Variants in ADAMTSL1 observed in about 807,000 individuals in gnomAD.
The protein encoded by ADAMTSL1 is ADAMTS-like protein 1.
In ADAMTSL1, 126 loss-of-function variants were observed where a neutral mutation model predicts 201.8. That is an observed-to-expected ratio of 0.62 (90% CI 0.54 to 0.72). The LOEUF (loss-of-function observed/expected upper bound fraction) is 0.72. ADAMTSL1 is among the 30% of genes least tolerant of loss of function. The pLI, the probability that ADAMTSL1 is intolerant of heterozygous loss-of-function variation, is 0.00. For synonymous variants in ADAMTSL1, 1,121 were observed against 903.4 expected, an observed-to-expected ratio of 1.24 and a Z score of -4.32; for missense variants, 2,679 against 2,277.8, an observed-to-expected ratio of 1.18 and a Z score of -3.59.
At chr9:18,888,134 T>TACCA (rs1829020033) in intron 24 of ADAMTSL1, 91 bp downstream of exon 24, 1 of 1,339,588 alleles carries the variant, frequency 7.5e-7, no homozygotes, top group East Asian at 2.5e-5. Flanking sequence ...AGATTTCTGA[T>TACCA]CTCCAGTGGT....
At chr9:18,399,815 A>G (rs552322907) in intron 2 of ADAMTSL1, among the ~76,000 whole-genome samples, 1 of 152,272 alleles carries the variant, frequency 6.6e-6, no homozygotes, top group African/African-American at 2.4e-5. Context: ...AGGGTTTCCT[A>G]GAGTTGCCTT....
intron 2 of ADAMTSL1, among the ~76,000 whole-genome samples, chr9:18,372,023 T>A (rs1837065099): frequency 6.6e-6 from 1 of 152,178 alleles, no homozygotes. Flanking sequence ...ACAACAGAAA[T>A]TTTTAATTAA....
At chr9:18,441,117 C>A (rs1334108244) in intron 2 of ADAMTSL1, among the ~76,000 whole-genome samples, 1 of 151,840 alleles carries the variant, frequency 6.6e-6, no homozygotes, top group Admixed American at 6.6e-5. Flanking sequence ...TCAAAACAGT[C>A]AAACCCATAA....
intron 2 of ADAMTSL1, among the ~76,000 whole-genome samples, chr9:18,407,930 T>C (rs551844310): frequency 1.3e-5 from 2 of 152,292 alleles, no homozygotes; most frequent in South Asian, 4.1e-4. Flanking sequence ...GACTGCAATG[T>C]TATAGGGGAT....
chr9:17,959,968 GTTAGGAT>G (rs1817671232), intron 1 of ADAMTSL1, among the ~76,000 whole-genome samples: 1 of 152,112 alleles, frequency 6.6e-6, no homozygotes, highest in Non-Finnish European at 1.5e-5. Flanking sequence ...TGGTGTATTA[GTTAGGAT>G]TAATTTCAGA....
intron 13 of ADAMTSL1, among the ~76,000 whole-genome samples, chr9:18,692,872 T>G (rs1831317356): frequency 6.6e-6 from 1 of 152,212 alleles, no homozygotes; most frequent in South Asian, 2.1e-4. Context: ...AGTAGACTAT[T>G]TGCAAGGAAA....
intron 1 of ADAMTSL1, among the ~76,000 whole-genome samples, chr9:17,964,261 T>C (rs1817884535): frequency 6.6e-6 from 1 of 152,194 alleles, no homozygotes; most frequent in Admixed American, 6.5e-5. Flanking sequence ...GCTCATAAGC[T>C]ATGTCATTCC....
At chr9:18,146,773 T>G (rs55933529) in intron 1 of ADAMTSL1, among the ~76,000 whole-genome samples, 3,648 of 152,264 alleles carry the variant, frequency 0.024, 90 homozygotes, top group African/African-American at 0.069. Flanking sequence ...TTCAAGGGTT[T>G]AGGAGATTTT....
chr9:18,477,461 A>G (rs1162069952), intron 1 of ADAMTSL1, among the ~76,000 whole-genome samples: 1 of 152,136 alleles, frequency 6.6e-6, no homozygotes, highest in Admixed American at 6.5e-5. Context: ...ACTCTCTCCC[A>G]CTATTATCTA....
At chr9:18,900,144 G>C (rs1243578498) in intron 26 of ADAMTSL1, among the ~76,000 whole-genome samples, 1 of 152,126 alleles carries the variant, frequency 6.6e-6, no homozygotes, top group African/African-American at 2.4e-5. Flanking sequence ...GTTCTCAAAA[G>C]AAGACATTCA....
intron 3 of ADAMTSL1, among the ~76,000 whole-genome samples, chr9:18,566,468 G>C (rs1381020654): frequency 6.6e-6 from 1 of 152,198 alleles, no homozygotes; most frequent in East Asian, 1.9e-4. Context: ...AAAAAGGAAA[G>C]TTGAGCAGGA....
chr9:18,575,953 C>T (rs1417403086), intron 4 of ADAMTSL1, among the ~76,000 whole-genome samples: 1 of 152,112 alleles, frequency 6.6e-6, no homozygotes, highest in Non-Finnish European at 1.5e-5. Context: ...ACTAATCCTG[C>T]CAGCAGGCCT....
intron 1 of ADAMTSL1, among the ~76,000 whole-genome samples, chr9:17,948,225 A>G (rs1255488216): frequency 6.6e-6 from 1 of 152,222 alleles, no homozygotes; most frequent in Non-Finnish European, 1.5e-5. Flanking sequence ...GCCACAATAT[A>G]TGATAAAACC....
intron 1 of ADAMTSL1, among the ~76,000 whole-genome samples, chr9:18,095,416 C>CTTT (rs35164794): frequency 0.2 from 19,911 of 99,790 alleles, 3,014 homozygotes; most frequent in Non-Finnish European, 0.31. Flanking sequence ...TTCTTTCTTT[C>CTTT]TTTTTTTTTT....
chr9:18,239,750 AGAAAGAAG>A (rs752374416), intron 2 of ADAMTSL1, among the ~76,000 whole-genome samples: 39 of 152,026 alleles, frequency 2.6e-4, no homozygotes, highest in South Asian at 4.2e-4. Context: ...TCTGTCTCAA[AGAAAGAAG>A]GAAAGAAGGA....
chr9:18,488,054 G>A (rs1240280951), intron 1 of ADAMTSL1, among the ~76,000 whole-genome samples: 2 of 152,198 alleles, frequency 1.3e-5, no homozygotes, highest in South Asian at 2.1e-4. Flanking sequence ...ATGCAATGCT[G>A]TATCAGTCTT....
chr9:18,180,401 C>T (rs1344616828), intron 2 of ADAMTSL1, among the ~76,000 whole-genome samples: 39 of 151,266 alleles, frequency 2.6e-4, no homozygotes, highest in African/African-American at 6.8e-4. Flanking sequence ...GGCGTAGTGG[C>T]GGGCGCCTGT....
At chr9:18,876,329 T>TGTGTGTGTGTGTGTGTGC (rs901063156) in intron 23 of ADAMTSL1, among the ~76,000 whole-genome samples, 95 of 151,242 alleles carry the variant, frequency 6.3e-4, no homozygotes, top group African/African-American at 2.2e-3. Flanking sequence ...TGTGTGTGTG[T>TGTGTGTGTGTGTGTGTGC]GCGTGATTGT....
Position 18,776,894 on chromosome 9 carries a change from C to A in ADAMTSL1, c.2665C>A (p.Leu889Met). The change falls in exon 19 of 29, where the codon CTG becomes ATG. Residue 889 changes from leucine (L) to methionine (M), a missense_variant. Leu to Met is a conservative substitution (Grantham distance 15, BLOSUM62 2). Coordinates refer to ENST00000380548, the MANE Select transcript of ADAMTSL1 (RefSeq NM_001040272.6). ...CTTCGTGGTGGGGGGCTTCGCCTAC[C>A]TGCTCCCCAAGACGGCGGTGGTGCT... ...LHFVVGGFAY[L>M]LPKTAVVLRC... is the part of the protein sequence containing the mutation. 1 of 1,611,280 alleles carries A rather than the reference C, an allele frequency of 6.2e-7. No homozygotes were observed. The highest frequency in any genetic ancestry group is 8.5e-7 in the Non-Finnish European group (1 of 1,179,090).
Sources: gnomAD v4.1 joint callset for allele counts (sites outside exome capture counted in the v4.1 genomes callset) on GRCh38, gnomAD v4.1.1 for gene constraint, MANE v1.5 for transcripts, NCBI Gene and HGNC (gene_info 2026-07-23, HGNC 2026-07-21) for gene names.